The following SAMD4A variants were observed in gnomAD, a reference collection of about 807,000 sequenced individuals.
SAMD4A encodes the protein sterile alpha motif domain containing 4A, also known as protein Smaug homolog 1.
Under a neutral mutation model 81.3 loss-of-function variants are expected in SAMD4A, and 33 were observed. The observed-to-expected ratio is 0.41, with a 90% confidence interval of 0.31 to 0.54. The LOEUF (loss-of-function observed/expected upper bound fraction) is 0.54. Among genes scored for constraint, SAMD4A ranks in the 20% least tolerant of loss-of-function variants. The pLI is 0.37. For synonymous variants in SAMD4A, 389 were observed against 382.1 expected (o/e 1.02, Z -0.21); for missense variants, 854 against 951.1 (o/e 0.90, Z 1.34).
Position 54,600,798 on chromosome 14 carries a change from C to T in SAMD4A, c.196+32686C>T, listed in dbSNP as rs182870153. Among the ~76,000 whole-genome samples the T allele has an allele frequency of 9.1e-4, 138 of 152,316 alleles. 1 individual carries two copies. Among genetic ancestry groups the T allele is most frequent in the African/African-American group, 3.2e-3 (134 of 41,568 alleles). ...GTACATTGAAATGTTCACCAACAAC[C>T]TTAATCCTTTCTTGGGGAAGATAAT... On this transcript the variant is annotated intron_variant, in intron 2 of 12. Transcript: ENST00000554335.
chr14:54,627,372 C>T (rs746097082), intron 2 of SAMD4A, among the ~76,000 whole-genome samples: 7 of 152,110 alleles, frequency 4.6e-5, no homozygotes, highest in Non-Finnish European at 8.8e-5. Flanking sequence ...TTTGCTGCTC[C>T]GTGGCTGATC....
intron 2 of SAMD4A, among the ~76,000 whole-genome samples, chr14:54,569,809 CA>C (rs1272956120): frequency 2.6e-5 from 4 of 152,190 alleles, no homozygotes; most frequent in Non-Finnish European, 4.4e-5. Context: ...TGTTCAAACT[CA>C]TCTTTAGGTT....
chr14:54,611,343 G>A (rs1162343217), intron 2 of SAMD4A, among the ~76,000 whole-genome samples: 1 of 152,108 alleles, frequency 6.6e-6, no homozygotes, highest in Non-Finnish European at 1.5e-5. Context: ...TCTGCTGAAT[G>A]AGCAACACTC....
intron 2 of SAMD4A, among the ~76,000 whole-genome samples, chr14:54,615,270 T>A (rs1183428613): frequency 6.6e-6 from 1 of 152,228 alleles, no homozygotes; most frequent in Non-Finnish European, 1.5e-5. Flanking sequence ...GTAGGGCAGA[T>A]GTCATTACTT....
At chr14:54,618,232 G>C (rs937283666) in intron 2 of SAMD4A, among the ~76,000 whole-genome samples, 1 of 152,102 alleles carries the variant, frequency 6.6e-6, no homozygotes, top group Non-Finnish European at 1.5e-5. Flanking sequence ...ACCAGCTCCC[G>C]TGAGCTGATC....
chr14:54,650,421 AAGATCAAC>A (rs1459623825), intron 2 of SAMD4A, among the ~76,000 whole-genome samples: 2 of 152,178 alleles, frequency 1.3e-5, no homozygotes, highest in Non-Finnish European at 2.9e-5. Flanking sequence ...CCCATTGTTG[AAGATCAAC>A]AGGCATTAAT....
chr14:54,606,191 G>GTA (rs1406606576), intron 2 of SAMD4A, among the ~76,000 whole-genome samples: 75 of 150,778 alleles, frequency 5.0e-4, no homozygotes, highest in African/African-American at 1.6e-3. Context: ...GGCTGTGTGT[G>GTA]TGTGTGTGTG....
chr14:54,616,635 G>A (rs1189062500), intron 2 of SAMD4A, among the ~76,000 whole-genome samples: 1 of 152,094 alleles, frequency 6.6e-6, no homozygotes, highest in African/African-American at 2.4e-5. Flanking sequence ...ACCATTATTG[G>A]CTCACTCCAT....
chr14:54,614,675 A>G (rs2034448776), intron 2 of SAMD4A, among the ~76,000 whole-genome samples: 1 of 152,236 alleles, frequency 6.6e-6, no homozygotes, highest in African/African-American at 2.4e-5. Context: ...TAGTTTAATA[A>G]AAGCAAGTGG....
chr14:54,609,080 TTA>T (rs1332628410), intron 2 of SAMD4A, among the ~76,000 whole-genome samples: 3 of 152,224 alleles, frequency 2.0e-5, no homozygotes. Flanking sequence ...TGTGAAAATG[TTA>T]TGTTACATGG....
At chr14:54,662,938 G>A (rs1263711447) in intron 2 of SAMD4A, among the ~76,000 whole-genome samples, 2 of 152,196 alleles carry the variant, frequency 1.3e-5, no homozygotes, top group African/African-American at 4.8e-5. Flanking sequence ...GCACTGGGCA[G>A]TAAACCAAAG....
chr14:54,661,371 C>A (rs754068672), intron 2 of SAMD4A, among the ~76,000 whole-genome samples: 2 of 152,114 alleles, frequency 1.3e-5, no homozygotes, highest in Admixed American at 1.3e-4. Flanking sequence ...CCAAAGAGTT[C>A]GAAGCTGTGC....
rs530754465 is a variant in SAMD4A, at chr14:54,775,005, C to T, written c.1787C>T (p.Pro596Leu). 53 of 1,614,172 alleles carry T rather than the reference C, an allele frequency of 3.3e-5. No homozygotes were observed. The highest frequency in any genetic ancestry group is 1.3e-4 in the African/African-American group (10 of 75,040). The change falls in exon 10 of 13, where the codon CCG becomes CTG. Residue 596 changes from proline (P) to leucine (L), a missense_variant. Pro to Leu is a moderately conservative substitution (Grantham distance 98). Transcript: ENST00000554335. ...GGCGGTGGCATGGGCAGACGGAACC[C>T]GCGCCAGTACCAGATCCCCTCTCGG... ...SVGGGMGRRNPRQYQIPSRNV... is the reference protein window; with the variant it reads ...SVGGGMGRRNLRQYQIPSRNV...
intron 2 of SAMD4A, among the ~76,000 whole-genome samples, chr14:54,624,097 T>TC (rs1356725997): frequency 6.6e-6 from 1 of 152,132 alleles, no homozygotes; most frequent in Non-Finnish European, 1.5e-5. Flanking sequence ...TGTCTCAGCC[T>TC]CCCGAGTAGC....
At position 54,789,218 on chromosome 14, in the gene SAMD4A, G is replaced by A. The variant is rs568472134; in HGVS notation, c.*274G>A. On this transcript the variant is annotated 3_prime_UTR_variant, in exon 13 of 13. Transcript: ENST00000554335. ...CTAGGGAATTATGAGACTGGGAGGG[G>A]GGTGGAGGGAATGCAGGTAGCTCTC... The A allele has an allele frequency of 7.6e-6, 4 of 527,752 alleles. No homozygotes were observed. Among genetic ancestry groups the A allele is most frequent in the Non-Finnish European group, 1.4e-5 (4 of 292,644 alleles). 32.7% of individuals were successfully genotyped at this position (527,752 alleles called of 1,614,324 possible). A position where few individuals can be genotyped will look rare whatever the true frequency, so the allele number is the denominator to read the frequency against.
chr14:54,623,483 CAAAAAAAAAAAAAAAA>C (rs59768858), intron 2 of SAMD4A, among the ~76,000 whole-genome samples: 3 of 45,952 alleles, frequency 6.5e-5, no homozygotes, highest in African/African-American at 1.6e-4. Flanking sequence ...TGGACATCAG[CAAAAAAAAAAAAAAAA>C]AAAAAAAAAA....
intron 2 of SAMD4A, among the ~76,000 whole-genome samples, chr14:54,678,483 G>A: frequency 2.5e-5 from 3 of 122,380 alleles, no homozygotes; most frequent in African/African-American, 3.2e-5. Context: ...GTGTGTGTGT[G>A]TGTGTGTGTG....
At chr14:54,637,365 C>CT (rs2035059445) in intron 2 of SAMD4A, among the ~76,000 whole-genome samples, 1 of 63,792 alleles carries the variant, frequency 1.6e-5, no homozygotes, top group Non-Finnish European at 2.7e-5. Flanking sequence ...AACTCCATCT[C>CT]AAAAAAAAAA....
chr14:54,712,971 C>A (rs1191567616), intron 3 of SAMD4A, among the ~76,000 whole-genome samples: 1 of 152,146 alleles, frequency 6.6e-6, no homozygotes, highest in Non-Finnish European at 1.5e-5. Context: ...GGGAGATGAA[C>A]AGGATGGCTT....
Sources: gnomAD v4.1 joint callset for allele counts (sites outside exome capture counted in the v4.1 genomes callset) on GRCh38, gnomAD v4.1.1 for gene constraint, MANE v1.5 for transcripts, NCBI Gene and HGNC (gene_info 2026-07-23, HGNC 2026-07-21) for gene names.